Variants in TET1 observed in about 807,000 individuals in gnomAD.
TET1 encodes tet methylcytosine dioxygenase 1, also known as methylcytosine dioxygenase TET1.
In TET1, 13 loss-of-function variants were observed where a neutral mutation model predicts 148.7. The ratio of observed to expected loss-of-function variants is 0.09; its 90% CI spans 0.06 to 0.14. The LOEUF (loss-of-function observed/expected upper bound fraction) is 0.14, where lower values mean the gene tolerates loss of function less well. TET1 is among the 10% of genes least tolerant of loss of function. The probability of loss-of-function intolerance (pLI) is 1.00; values close to 1 mark genes in which losing one functional copy is unlikely to be tolerated. For missense variants in TET1, 2,182 were observed against 2,553.8 expected (o/e 0.85, Z 3.14); for synonymous variants, 907 against 937.2 (o/e 0.97, Z 0.59).
intron 4 of TET1, among the ~76,000 whole-genome samples, chr10:68,650,303 T>A (rs2054912338): frequency 1.3e-5 from 2 of 152,008 alleles, no homozygotes; most frequent in Non-Finnish European, 2.9e-5. Flanking sequence ...GTGCTGTAGA[T>A]CACTAAGAAT....
intron 1 of TET1, among the ~76,000 whole-genome samples, chr10:68,571,182 G>A (rs1355613233): frequency 2.6e-5 from 4 of 151,624 alleles, no homozygotes; most frequent in African/African-American, 9.7e-5. Flanking sequence ...TAGAGACAGG[G>A]TTTTGACACG....
At chr10:68,628,105 C>A (rs961939361) in intron 3 of TET1, among the ~76,000 whole-genome samples, 1 of 152,024 alleles carries the variant, frequency 6.6e-6, no homozygotes, top group African/African-American at 2.4e-5. Context: ...CACCAACACG[C>A]CCAGCTAATT....
chr10:68,634,438 C>T (rs554867170), intron 3 of TET1, among the ~76,000 whole-genome samples: 1 of 152,184 alleles, frequency 6.6e-6, no homozygotes, highest in South Asian at 2.1e-4. Context: ...AACTTAAATT[C>T]ATTGTAACTT....
chr10:68,573,686 C>G lies in TET1; in HGVS notation c.1348C>G (p.Pro450Ala), dbSNP rs765147521. 1.6e-5 allele frequency: 26 copies of G among 1,614,132 alleles called. No homozygotes were observed. The East Asian group carries it at 5.6e-4, about 35-fold the overall frequency. Residue 450 changes from proline (P) to alanine (A), a missense_variant, in exon 2 of 12, where the codon CCT (proline) becomes GCT (alanine). Coordinates refer to ENST00000373644, the MANE Select transcript of TET1 (RefSeq NM_030625.3). Reference protein sequence around the residue: ...IATFNAPSKWPEPQSTVSYGL... With the variant: ...IATFNAPSKWAEPQSTVSYGL... Reference sequence around the variant, plus strand: ...TACCTTTAATGCTCCTTCCAAATGGCCTGAGCCCCAAAGCACTGTCTCATA... The same window carrying G: ...TACCTTTAATGCTCCTTCCAAATGGGCTGAGCCCCAAAGCACTGTCTCATA...
At chr10:68,562,280 G>C (rs570324007) in intron 1 of TET1, among the ~76,000 whole-genome samples, 1 of 152,158 alleles carries the variant, frequency 6.6e-6, no homozygotes, top group South Asian at 2.1e-4. Context: ...TGGAAAAGGC[G>C]CTTCTTAACC....
intron 8 of TET1, among the ~76,000 whole-genome samples, chr10:68,676,002 C>T (rs2055343535): frequency 6.6e-6 from 1 of 151,632 alleles, no homozygotes; most frequent in Non-Finnish European, 1.5e-5. Flanking sequence ...ATTACAGGCT[C>T]CCGCCACCAT....
At chr10:68,565,055 T>A (rs1024406221) in intron 1 of TET1, among the ~76,000 whole-genome samples, 1 of 152,050 alleles carries the variant, frequency 6.6e-6, no homozygotes, top group Non-Finnish European at 1.5e-5. Context: ...TTGAGAAACA[T>A]TGAAATATCA....
intron 2 of TET1, among the ~76,000 whole-genome samples, chr10:68,594,980 C>CAAA (rs71019034): frequency 9.2e-6 from 1 of 108,838 alleles, no homozygotes; most frequent in African/African-American, 3.5e-5. Context: ...GACACCATCT[C>CAAA]AAAAAAAAAA....
Position 68,573,990 on chromosome 10 carries a change from C to A in TET1, c.1652C>A (p.Thr551Asn). Residue 551 changes from threonine (T) to asparagine (N), a missense_variant, in exon 2 of 12, where the codon ACC becomes AAC. By Grantham distance (65) the Thr-to-Asn change is moderately conservative. Transcript: ENST00000373644. ...SDRGSSQVSV[T>N]STVHVVNTTV... is the part of the protein sequence containing the mutation. ...AGAGGGAGCTCCCAGGTCAGTGTAA[C>A]CAGCACAGTTCATGTTGTCAACACC... 6.2e-7 allele frequency: 1 copy of A among 1,614,174 alleles called. No homozygotes were observed. The highest frequency in any genetic ancestry group is 8.5e-7 in the Non-Finnish European group (1 of 1,180,042).
At chr10:68,611,651 T>TAA (rs2054212838) in intron 3 of TET1, among the ~76,000 whole-genome samples, 1 of 111,766 alleles carries the variant, frequency 8.9e-6, no homozygotes, top group Admixed American at 9.2e-5. Context: ...AGACCCTTTC[T>TAA]TTCTTTTCTT....
intron 11 of TET1, among the ~76,000 whole-genome samples, chr10:68,687,787 A>C (rs550484504): frequency 1.3e-5 from 2 of 151,978 alleles, no homozygotes; most frequent in Non-Finnish European, 2.9e-5. Context: ...ATAGGGTTTC[A>C]CCTGTTTGCC....
At chr10:68,672,498 AAAAAAAAAAAAAACACC>A (rs1375909127) in intron 7 of TET1, among the ~76,000 whole-genome samples, 3 of 148,240 alleles carry the variant, frequency 2.0e-5, no homozygotes, top group East Asian at 3.9e-4. Flanking sequence ...AAAAAAAAAA[AAAAAAAAAAAAAACACC>A]AAAAAAAAAA....
In TET1 at chr10:68,573,135, C is replaced by G. The variant is rs1465467281; in HGVS notation, c.797C>G (p.Pro266Arg). ...ATPKVTSQGN[P>R]SIQLEELGSR... ...CCCAAAGTTACCTCTCAAGGAAACC[C>G]CAGCATTCAGTTAGAAGAGTTGGGT... is the stretch of plus-strand genomic sequence containing the variant. Residue 266 changes from proline to arginine, a missense_variant, in exon 2 of 12, where the codon CCC becomes CGC. This residue lies in a region of TET1 where 665 missense variants were observed against 672.4 expected (regional missense o/e 0.99). Transcript: ENST00000373644. 6.2e-7 allele frequency: 1 copy of G among 1,613,990 alleles called. No homozygotes were observed. Among genetic ancestry groups the G allele is most frequent in the African/African-American group, 1.3e-5 (1 of 74,898 alleles).
rs1209292552 is a variant in TET1 at position 68,645,867 on chromosome 10, G to C, written c.3138G>C (p.Glu1046Asp). ...TGCCACCAAGAAATAATGAAGTGGAGTATTGCAACCAGTTACTGGACAGCA... is the reference window on the plus strand; with the variant it reads ...TGCCACCAAGAAATAATGAAGTGGACTATTGCAACCAGTTACTGGACAGCA... ...HQLPPRNNEV[E>D]YCNQLLDSSK... Residue 1046 changes from glutamate to aspartate, a missense_variant, in exon 4 of 12, where the codon GAG becomes GAC. By Grantham distance (45) the Glu-to-Asp change is conservative. This residue lies in a region of TET1 where 582 missense variants were observed against 599.5 expected (regional missense o/e 0.97). Coordinates refer to ENST00000373644, the MANE Select transcript of TET1 (RefSeq NM_030625.3). 2 of 1,613,956 alleles carry C rather than the reference G, an allele frequency of 1.2e-6. No individual in the cohort carries two copies. The highest frequency in any genetic ancestry group is 2.2e-5 in the East Asian group (1 of 44,886).
intron 2 of TET1, among the ~76,000 whole-genome samples, chr10:68,590,741 A>G (rs1363776179): frequency 2.0e-5 from 3 of 152,146 alleles, no homozygotes; most frequent in South Asian, 2.1e-4. Flanking sequence ...GCCTTGAGCC[A>G]TGACTGCACT....
At chr10:68,675,726 G>T (rs1385337302) in intron 8 of TET1, among the ~76,000 whole-genome samples, 1 of 151,916 alleles carries the variant, frequency 6.6e-6, no homozygotes, top group Non-Finnish European at 1.5e-5. Flanking sequence ...TGGCCAGGCA[G>T]ATTTTTAGAA....
chr10:68,613,438 C>T (rs1268376979), intron 3 of TET1, among the ~76,000 whole-genome samples: 2 of 152,034 alleles, frequency 1.3e-5, no homozygotes, highest in African/African-American at 2.4e-5. Context: ...TGGAGACTGT[C>T]CAAAGTTCCT....
At chr10:68,589,364 T>G (rs2053893977) in intron 2 of TET1, among the ~76,000 whole-genome samples, 1 of 152,204 alleles carries the variant, frequency 6.6e-6, no homozygotes, top group African/African-American at 2.4e-5. Flanking sequence ...AAGTGTAAGG[T>G]TATATTATGA....
At chr10:68,611,669 CTTTTCTTTCT>C (rs748595135) in intron 3 of TET1, among the ~76,000 whole-genome samples, 60 of 138,400 alleles carry the variant, frequency 4.3e-4, no homozygotes, top group South Asian at 1.4e-3. Flanking sequence ...CTTTTCTTTT[CTTTTCTTTCT>C]TTTCTTTTCT....
Sources: gnomAD v4.1 joint callset for allele counts (sites outside exome capture counted in the v4.1 genomes callset) on GRCh38, gnomAD v4.1.1 for gene constraint, gnomAD v4.1.1 regional missense constraint, MANE v1.5 for transcripts, NCBI Gene and HGNC (gene_info 2026-07-23, HGNC 2026-07-21) for gene names.